The following RERG variants were observed in gnomAD, a reference collection of about 807,000 sequenced individuals.
RERG encodes RAS like estrogen regulated growth inhibitor.
A neutral mutation model predicts 23.2 loss-of-function variants in RERG; 25 were observed. The ratio of observed to expected loss-of-function variants is 1.08; its 90% CI spans 0.79 to 1.50. The LOEUF (loss-of-function observed/expected upper bound fraction) is 1.50, where lower values mean the gene tolerates loss of function less well. RERG is among the 40% of genes most tolerant of loss of function. The probability of loss-of-function intolerance (pLI) is 0.00; values close to 1 mark genes in which losing one functional copy is unlikely to be tolerated. For synonymous variants in RERG, 81 were observed against 89.1 expected (o/e 0.91, Z 0.51); for missense variants, 253 against 250.1 (o/e 1.01, Z -0.08).
chr12:15,117,177 T>C lies in RERG; in HGVS notation c.118+3886A>G, dbSNP rs183212942. 6.3e-4 allele frequency among the ~76,000 whole-genome samples: 95 copies of C among 149,986 alleles called. 2 individuals are homozygous for C. Among genetic ancestry groups the C allele is most frequent in the African/African-American group, 2.1e-3 (87 of 40,910 alleles). ...TTTTGCGAATTTCAACACTTTAGTA[T>C]GGACACTTAGCCAGCACAGTAACAG... On this transcript the variant is annotated intron_variant, in intron 3 of 4. Transcript: ENST00000256953.
At chr12:15,160,964 G>A (rs1468628368) in intron 2 of RERG, among the ~76,000 whole-genome samples, 2 of 151,834 alleles carry the variant, frequency 1.3e-5, no homozygotes, top group East Asian at 1.9e-4. Context: ...GTGAAACCCC[G>A]TCTCTACTAA....
At chr12:15,117,366 T>G (rs1863741686) in intron 3 of RERG, among the ~76,000 whole-genome samples, 1 of 152,188 alleles carries the variant, frequency 6.6e-6, no homozygotes, top group Non-Finnish European at 1.5e-5. Flanking sequence ...GCAGTGCCAA[T>G]ATTAAATAAT....
At chr12:15,175,300 A>C (rs966731843) in intron 2 of RERG, among the ~76,000 whole-genome samples, 2 of 148,928 alleles carry the variant, frequency 1.3e-5, no homozygotes, top group Non-Finnish European at 3.0e-5. Context: ...AATGCCTCCA[A>C]AAATTAAATC....
intron 2 of RERG, among the ~76,000 whole-genome samples, chr12:15,210,461 GT>G (rs571124926): frequency 3.3e-5 from 5 of 152,116 alleles, no homozygotes; most frequent in Non-Finnish European, 7.4e-5. Flanking sequence ...TTCCAGTATT[GT>G]TTCCCCCCCA....
chr12:15,183,228 C>G (rs747370332), intron 2 of RERG, among the ~76,000 whole-genome samples: 6 of 152,024 alleles, frequency 3.9e-5, no homozygotes, highest in Admixed American at 6.6e-5. Context: ...ATTATATTGT[C>G]TTTAATGGTT....
At chr12:15,162,820 C>G (rs1460429388) in intron 2 of RERG, among the ~76,000 whole-genome samples, 2 of 152,150 alleles carry the variant, frequency 1.3e-5, no homozygotes, top group Admixed American at 1.3e-4. Context: ...GTAAACTTGC[C>G]TATCATCACA....
At chr12:15,189,312 T>C (rs138007452) in intron 2 of RERG, among the ~76,000 whole-genome samples, 77 of 152,286 alleles carry the variant, frequency 5.1e-4, no homozygotes, top group African/African-American at 1.7e-3. Flanking sequence ...CTTTCTTCTC[T>C]TCCATTCCAC....
At chr12:15,132,582 A>C in intron 2 of RERG, among the ~76,000 whole-genome samples, 1 of 152,178 alleles carries the variant, frequency 6.6e-6, no homozygotes, top group Non-Finnish European at 1.5e-5. Context: ...GGATTATGGT[A>C]AGACTTTGTT....
chr12:15,210,991 G>C, intron 2 of RERG, among the ~76,000 whole-genome samples: 1 of 151,990 alleles, frequency 6.6e-6, no homozygotes, highest in East Asian at 1.9e-4. Context: ...AACTACACAA[G>C]AAATCAATAG....
intron 2 of RERG, among the ~76,000 whole-genome samples, chr12:15,212,326 T>C (rs996114438): frequency 1.3e-5 from 2 of 151,830 alleles, no homozygotes; most frequent in South Asian, 2.1e-4. Flanking sequence ...CCCAAAGTGC[T>C]GGGATTACAG....
At chr12:15,185,896 G>A (rs1050642776) in intron 2 of RERG, among the ~76,000 whole-genome samples, 21 of 151,436 alleles carry the variant, frequency 1.4e-4, no homozygotes, top group South Asian at 4.2e-4. Flanking sequence ...TTAGAAAAAA[G>A]AACAGAAGAA....
chr12:15,221,267 G>A lies in RERG; in HGVS notation c.-187C>T, dbSNP rs984608391. On this transcript the variant is annotated 5_prime_UTR_variant, in exon 1 of 5. Coordinates refer to ENST00000256953, the MANE Select transcript of RERG (RefSeq NM_032918.3). ...GGAATGGGTCCCCCAAGATCGCGAA[G>A]CCCTCCCACACTGCGCAGCCCAGGC... 2.0e-5 allele frequency: 3 copies of A among 152,384 alleles called. No individual in the cohort carries two copies. The highest frequency in any genetic ancestry group is 2.9e-5 in the Non-Finnish European group (2 of 68,156). 9.4% of individuals were successfully genotyped at this position (152,384 alleles called of 1,614,324 possible).
In RERG at chr12:15,128,492, T is replaced by TA. The variant is rs1591638754; in HGVS notation, c.62-7374dup. 2.6e-5 allele frequency among the ~76,000 whole-genome samples: 4 copies of TA among 152,346 alleles called. No individual in the cohort carries two copies. In the East Asian group the frequency reaches 7.7e-4, roughly 29 times the overall value. ...GAAAATAAGATACAGTTTCTATTCA[T>TA]AAAGTGTTGTAAGTTTGCACCTTTG... On this transcript the variant is annotated intron_variant, in intron 2 of 4. Transcript: ENST00000256953.
chr12:15,136,368 T>C (rs1332315009), intron 2 of RERG, among the ~76,000 whole-genome samples: 1 of 152,048 alleles, frequency 6.6e-6, no homozygotes, highest in African/African-American at 2.4e-5. Context: ...AATTTTTCTA[T>C]AGATATTCTA....
intron 1 of RERG, among the ~76,000 whole-genome samples, chr12:15,218,569 C>T (rs749459013): frequency 3.3e-5 from 5 of 152,160 alleles, no homozygotes; most frequent in African/African-American, 4.8e-5. Context: ...TGCTTCATTT[C>T]TCCAATTAGG....
At chr12:15,193,311 G>A (rs986811863) in intron 2 of RERG, among the ~76,000 whole-genome samples, 3 of 151,970 alleles carry the variant, frequency 2.0e-5, no homozygotes, top group Admixed American at 1.3e-4. Flanking sequence ...TTGGCTTTAC[G>A]CTGTTATTTA....
intron 2 of RERG, among the ~76,000 whole-genome samples, chr12:15,145,490 G>A (rs1864316383): frequency 1.3e-5 from 2 of 152,330 alleles, no homozygotes; most frequent in East Asian, 1.9e-4. Context: ...CAGGGTGGCA[G>A]AGCCACTCTG....
chr12:15,177,420 G>A (rs1050960340), intron 2 of RERG, among the ~76,000 whole-genome samples: 2 of 151,936 alleles, frequency 1.3e-5, no homozygotes, highest in Admixed American at 6.6e-5. Flanking sequence ...ACCATTGCAC[G>A]CCAGCCTGGG....
At chr12:15,157,144 T>G (rs948520005) in intron 2 of RERG, among the ~76,000 whole-genome samples, 6 of 152,192 alleles carry the variant, frequency 3.9e-5, no homozygotes, top group African/African-American at 9.7e-5. Context: ...TTGCAGGAAT[T>G]TTGAAGAATA....
Sources: allele counts gnomAD v4.1 joint callset (sites outside exome capture counted in the v4.1 genomes callset), GRCh38; gene constraint gnomAD v4.1.1; transcripts MANE v1.5; gene names NCBI Gene and HGNC (gene_info 2026-07-23, HGNC 2026-07-21).